LRMDA: variants seen among roughly 807,000 people sequenced by gnomAD.
LRMDA encodes the protein leucine-rich melanocyte differentiation-associated protein.
LRMDA carries 18 observed loss-of-function variants against 29.8 expected under a neutral mutation model. The observed-to-expected ratio is 0.60, with a 90% CI of 0.42 to 0.90. LRMDA has a LOEUF of 0.90. LRMDA is among the 40% of genes least tolerant of loss of function. The pLI, the probability that LRMDA is intolerant of heterozygous loss-of-function variation, is 0.00. For synonymous variants in LRMDA, 125 were observed against 109.4 expected (o/e 1.14, Z -0.89); for missense variants, 273 against 273.9 (o/e 1.00, Z 0.02).
intron 5 of LRMDA, among the ~76,000 whole-genome samples, chr10:76,143,281 G>A (rs367546548): frequency 1.3e-5 from 2 of 152,076 alleles, no homozygotes; most frequent in Non-Finnish European, 2.9e-5. Context: ...ACTTCCACAA[G>A]GGTTGAACTA....
chr10:76,039,989 T>C (rs369014468), intron 3 of LRMDA, among the ~76,000 whole-genome samples: 2 of 152,334 alleles, frequency 1.3e-5, no homozygotes, highest in South Asian at 4.1e-4. Flanking sequence ...AATTTAATAT[T>C]GCCCTAATGG....
intron 6 of LRMDA, among the ~76,000 whole-genome samples, chr10:76,361,729 G>A (rs1157535714): frequency 6.6e-6 from 1 of 152,156 alleles, no homozygotes; most frequent in Admixed American, 6.5e-5. Flanking sequence ...TAATGAGGGA[G>A]ATGAAGAGAT....
chr10:76,235,166 G>A (rs1852128674), intron 5 of LRMDA, among the ~76,000 whole-genome samples: 1 of 152,076 alleles, frequency 6.6e-6, no homozygotes, highest in African/African-American at 2.4e-5. Context: ...TGTGTCTCAG[G>A]GAATAGGGAA....
At chr10:76,085,219 C>T (rs1169354046) in intron 5 of LRMDA, among the ~76,000 whole-genome samples, 1 of 152,108 alleles carries the variant, frequency 6.6e-6, no homozygotes, top group Non-Finnish European at 1.5e-5. Context: ...GGCATATGGA[C>T]AGGAAATCAC....
At chr10:75,692,837 G>A (rs1365883499) in intron 2 of LRMDA, among the ~76,000 whole-genome samples, 2 of 152,136 alleles carry the variant, frequency 1.3e-5, no homozygotes, top group Non-Finnish European at 1.5e-5. Context: ...TGTGTGTGCA[G>A]TCAGCACAAC....
intron 6 of LRMDA, among the ~76,000 whole-genome samples, chr10:76,405,242 CAA>C (rs1195180781): frequency 6.6e-6 from 1 of 152,198 alleles, no homozygotes; most frequent in Non-Finnish European, 1.5e-5. Context: ...GTGCAATATT[CAA>C]AGTTTCTATT....
At chr10:75,632,671 A>C (rs1247813274) in intron 2 of LRMDA, among the ~76,000 whole-genome samples, 1 of 152,002 alleles carries the variant, frequency 6.6e-6, no homozygotes, top group Non-Finnish European at 1.5e-5. Flanking sequence ...GTGGAGAGGG[A>C]ACCATGCTGA....
At chr10:76,476,226 C>G (rs535609171) in intron 6 of LRMDA, among the ~76,000 whole-genome samples, 1 of 151,940 alleles carries the variant, frequency 6.6e-6, no homozygotes, top group African/African-American at 2.4e-5. Flanking sequence ...ATATCACCAC[C>G]GATCCCACAG....
rs189943961 is a variant in LRMDA at position 76,558,851 on chromosome 10, C to T, written c.*1563C>T. The stretch of plus-strand genomic sequence containing the variant: ...GGAGTCCCTGTTTGAGATTACACAA[C>T]CTTTGTTAATCAGTTCTTTAGACAA... On this transcript the variant is annotated 3_prime_UTR_variant, in exon 7 of 7. Transcript: ENST00000611255. The T allele has an allele frequency of 6.6e-6, 1 of 152,158 alleles. No homozygotes were observed. Among genetic ancestry groups the T allele is most frequent in the Non-Finnish European group, 1.5e-5 (1 of 68,038 alleles). The allele number at this position is 152,158 out of a possible 1,614,324, so 9.4% of individuals were successfully genotyped here.
intron 2 of LRMDA, among the ~76,000 whole-genome samples, chr10:75,696,168 AG>A (rs1842231587): frequency 6.6e-6 from 1 of 152,266 alleles, no homozygotes; most frequent in Admixed American, 6.5e-5. Context: ...AGTTAGGTTC[AG>A]CTAAGTTATG....
chr10:76,220,394 G>C (rs1295584482), intron 5 of LRMDA, among the ~76,000 whole-genome samples: 1 of 152,004 alleles, frequency 6.6e-6, no homozygotes, highest in Non-Finnish European at 1.5e-5. Context: ...AAGAAGAAAA[G>C]AGAGAAGAAT....
At chr10:75,994,429 G>C (rs1282427463) in intron 2 of LRMDA, among the ~76,000 whole-genome samples, 2 of 152,330 alleles carry the variant, frequency 1.3e-5, no homozygotes, top group East Asian at 3.9e-4. Context: ...CTCTGAACAT[G>C]ATCACTGTAT....
At chr10:76,359,855 G>A (rs967270900) in intron 6 of LRMDA, among the ~76,000 whole-genome samples, 4 of 152,200 alleles carry the variant, frequency 2.6e-5, no homozygotes, top group African/African-American at 9.7e-5. Context: ...AAGGCTGGGA[G>A]TAGAGCTTTG....
chr10:76,167,226 G>A (rs1031467375), intron 5 of LRMDA, among the ~76,000 whole-genome samples: 39 of 152,110 alleles, frequency 2.6e-4, no homozygotes, highest in African/African-American at 9.2e-4. Flanking sequence ...CAGATGCATA[G>A]TTTTGCAAAT....
Position 75,693,841 on chromosome 10 carries a change from A to C in LRMDA, c.131+255347A>C, listed in dbSNP as rs550990484. Among the ~76,000 whole-genome samples the C allele has an allele frequency of 2.4e-3, 363 of 152,324 alleles. 1 individual carries two copies. The highest frequency in any genetic ancestry group is 3.8e-3 in the Non-Finnish European group (256 of 68,036). ...TGAATAAAAAAAAGCAGGATGGTAC[A>C]ATTTATTTCAGGCCCCATATTTCTT... is the stretch of plus-strand genomic sequence containing the variant. On this transcript the variant is annotated intron_variant, in intron 2 of 6. Transcript: ENST00000611255.
chr10:76,067,085 G>T (rs897269123), intron 5 of LRMDA, among the ~76,000 whole-genome samples: 3 of 152,208 alleles, frequency 2.0e-5, no homozygotes, highest in Non-Finnish European at 4.4e-5. Context: ...AGAGTGAGTA[G>T]CTCTGATTCT....
At chr10:75,959,972 A>G (rs892876451) in intron 2 of LRMDA, among the ~76,000 whole-genome samples, 5 of 152,244 alleles carry the variant, frequency 3.3e-5, no homozygotes, top group Admixed American at 2.0e-4. Flanking sequence ...GGGACCATCC[A>G]GTAGAATTCT....
chr10:75,896,854 T>A (rs192406839), intron 2 of LRMDA, among the ~76,000 whole-genome samples: 40 of 151,762 alleles, frequency 2.6e-4, no homozygotes, highest in Non-Finnish European at 4.4e-4. Flanking sequence ...TGTGTGTGTG[T>A]GTGTGTGTGT....
intron 6 of LRMDA, among the ~76,000 whole-genome samples, chr10:76,519,653 G>A (rs746257475): frequency 6.6e-6 from 1 of 152,152 alleles, no homozygotes; most frequent in Non-Finnish European, 1.5e-5. Flanking sequence ...CCAACAGAGT[G>A]TGAGAGCATT....
Sources: allele counts gnomAD v4.1 joint callset (sites outside exome capture counted in the v4.1 genomes callset), GRCh38; gene constraint gnomAD v4.1.1; transcripts MANE v1.5; gene names NCBI Gene and HGNC (gene_info 2026-07-23, HGNC 2026-07-21).